The following MED13L variants were observed in gnomAD, a reference collection of about 807,000 sequenced individuals.
MED13L encodes mediator complex subunit 13L, also known as mediator of RNA polymerase II transcription subunit 13-like.
Under a neutral mutation model 220.9 loss-of-function variants are expected in MED13L, and 7 were observed. The observed-to-expected ratio is 0.03, with a 90% CI of 0.02 to 0.06. MED13L has a LOEUF of 0.06. Ranked by LOEUF, MED13L falls within the 10% of genes least tolerant of loss-of-function variation. MED13L has a pLI of 1.00. For missense variants in MED13L, 1,965 were observed against 2,760.5 expected (o/e 0.71, Z 6.46); for synonymous variants, 1,011 against 1,015.2 (o/e 1.00, Z 0.08).
intron 2 of MED13L, among the ~76,000 whole-genome samples, chr12:116,187,060 A>G (rs1201994956): frequency 6.6e-6 from 1 of 152,034 alleles, no homozygotes; most frequent in East Asian, 1.9e-4. Context: ...GCACTTTCCT[A>G]CCCACACTTG....
At chr12:116,090,571 T>C (rs1295014070) in intron 4 of MED13L, among the ~76,000 whole-genome samples, 1 of 152,084 alleles carries the variant, frequency 6.6e-6, no homozygotes, top group Admixed American at 6.6e-5. Context: ...ATGTCCAGAC[T>C]TCACCAACTT....
At chr12:116,253,768 T>TG (rs1466155749) in intron 1 of MED13L, among the ~76,000 whole-genome samples, 13 of 140,968 alleles carry the variant, frequency 9.2e-5, no homozygotes, top group African/African-American at 2.4e-4. Context: ...TTTTTTTTTT[T>TG]TTTTTTTTTT....
intron 2 of MED13L, among the ~76,000 whole-genome samples, chr12:116,228,902 C>G (rs965104992): frequency 3.9e-5 from 6 of 152,122 alleles, no homozygotes; most frequent in Non-Finnish European, 8.8e-5. Context: ...AAACCCTTTA[C>G]CTATATCACT....
chr12:116,177,755 A>G (rs1372068095), intron 2 of MED13L, among the ~76,000 whole-genome samples: 2 of 152,218 alleles, frequency 1.3e-5, no homozygotes, highest in Non-Finnish European at 2.9e-5. Context: ...ACATTAAAAG[A>G]GTTCACTGTC....
chr12:116,230,712 C>A (rs1239646744), intron 2 of MED13L, among the ~76,000 whole-genome samples: 1 of 152,068 alleles, frequency 6.6e-6, no homozygotes, highest in Non-Finnish European at 1.5e-5. Context: ...AAGAGATAAT[C>A]TTATTCCTGT....
At chr12:116,120,937 C>G (rs993699005) in intron 2 of MED13L, among the ~76,000 whole-genome samples, 1 of 152,028 alleles carries the variant, frequency 6.6e-6, no homozygotes, top group Non-Finnish European at 1.5e-5. Flanking sequence ...TGAGTGACAA[C>G]AGTCAATCAA....
intron 1 of MED13L, among the ~76,000 whole-genome samples, chr12:116,243,745 G>C (rs1870852503): frequency 6.6e-6 from 1 of 152,048 alleles, no homozygotes; most frequent in Non-Finnish European, 1.5e-5. Flanking sequence ...GTAGTATCAT[G>C]GAAAGAACAC....
At chr12:116,084,919 T>C (rs950930602) in intron 4 of MED13L, among the ~76,000 whole-genome samples, 13 of 152,280 alleles carry the variant, frequency 8.5e-5, no homozygotes, top group African/African-American at 2.4e-4. Context: ...CCTATATATG[T>C]AGTCATTTTT....
chr12:116,182,692 G>A (rs1414140475), intron 2 of MED13L, among the ~76,000 whole-genome samples: 1 of 152,066 alleles, frequency 6.6e-6, no homozygotes, highest in African/African-American at 2.4e-5. Flanking sequence ...CAAAACAAGT[G>A]AAAAAGTAGA....
rs1490723192 is a variant in MED13L, at chr12:116,277,347, C to CCTCCCCGCCTCTCAGGGCCGCCGCTGCCT, written c.-217_-216insAGGCAGCGGCGGCCCTGAGAGGCGGGGAG. On this transcript the variant is annotated 5_prime_UTR_variant, in exon 1 of 31. Coordinates refer to ENST00000281928, the MANE Select transcript of MED13L (RefSeq NM_015335.5). The stretch of plus-strand genomic sequence containing the variant: ...CCGGGCTGGCGGGGGGGGCGCGCGC[C>CCTCCCCGCCTCTCAGGGCCGCCGCTGCCT]CCGGGCCGGCGCTGCGGGCCGGCCA... 4.0e-4 allele frequency: 1 copy of CCTCCCCGCCTCTCAGGGCCGCCGCTGCCT among 2,524 alleles called. No homozygotes were observed. Among genetic ancestry groups the CCTCCCCGCCTCTCAGGGCCGCCGCTGCCT allele is most frequent in the African/African-American group, 7.7e-3 (1 of 130 alleles). 0.2% of individuals were successfully genotyped at this position (2,524 alleles called of 1,614,324 possible).
chr12:116,247,686 A>G (rs1398527584), intron 1 of MED13L, among the ~76,000 whole-genome samples: 5 of 148,558 alleles, frequency 3.4e-5, no homozygotes, highest in Non-Finnish European at 7.6e-5. Context: ...AAAAGATGCT[A>G]ACGTATATAT....
intron 2 of MED13L, among the ~76,000 whole-genome samples, chr12:116,228,355 C>A (rs1027309866): frequency 9.2e-5 from 14 of 152,150 alleles, no homozygotes; most frequent in Admixed American, 6.5e-4. Context: ...CTTACTGTGT[C>A]ACTCAGGCTG....
chr12:115,973,673 C>T (rs894310653), intron 25 of MED13L, among the ~76,000 whole-genome samples: 3 of 151,994 alleles, frequency 2.0e-5, no homozygotes, highest in African/African-American at 7.2e-5. Flanking sequence ...ATAAGATTGA[C>T]TAAAAAAGCA....
intron 4 of MED13L, among the ~76,000 whole-genome samples, chr12:116,035,792 C>T (rs1036436708): frequency 3.6e-4 from 55 of 151,882 alleles, no homozygotes; most frequent in African/African-American, 1.2e-3. Flanking sequence ...GGTTTTGCTA[C>T]GTTGCCCAGG....
chr12:116,019,726 T>C, intron 6 of MED13L, 52 bp downstream of exon 6: 2 of 1,544,184 alleles, frequency 1.3e-6, no homozygotes, highest in Non-Finnish European at 1.8e-6. Flanking sequence ...TCTTTTTAAA[T>C]TAAGGAAGAG....
intron 30 of MED13L, chr12:115,962,549 A>G (rs949931622): frequency 6.6e-5 from 10 of 152,206 alleles, no homozygotes; most frequent in African/African-American, 2.4e-4. Context: ...ATTTTTATCC[A>G]TAACTATAAT....
chr12:116,023,793 T>C (rs1399282116), intron 4 of MED13L, among the ~76,000 whole-genome samples: 2 of 152,108 alleles, frequency 1.3e-5, no homozygotes, highest in African/African-American at 4.8e-5. Context: ...TTTAAAAGAA[T>C]TTTGAAAAAA....
rs1315120974 is a variant in MED13L at position 116,009,217 on chromosome 12, A to G, written c.1281-85T>C. On this transcript the variant is annotated intron_variant, in intron 9 of 30. Transcript: ENST00000281928. ...AATTTTGCCTTTTAAAGCATACATT[A>G]GATGTACTAATACATATAAAAGGGC... The G allele has an allele frequency of 3.7e-6, 5 of 1,356,516 alleles. No homozygotes were observed. The East Asian group carries it at 9.6e-5, about 26-fold the overall frequency. 84.0% of individuals were successfully genotyped at this position (1,356,516 alleles called of 1,614,324 possible).
Position 115,966,181 on chromosome 12 carries a change from G to A in MED13L, c.6288C>T (p.Ala2096=). Residue 2096 remains alanine, a synonymous_variant, in exon 29 of 31, where the codon GCC becomes GCT. Transcript: ENST00000281928. ...APEELKQQPL[A]LGYFVSTAKA... is the part of the protein sequence containing the mutation. Reference sequence around the variant, plus strand: ...TGGCAGTTGATACAAAATACCCAAGGGCCAGGGGCTGCTGCTTTAGCTCCT... The same window carrying A: ...TGGCAGTTGATACAAAATACCCAAGAGCCAGGGGCTGCTGCTTTAGCTCCT... 6.2e-7 allele frequency: 1 copy of A among 1,614,052 alleles called. No individual in the cohort carries two copies. The highest frequency in any genetic ancestry group is 8.5e-7 in the Non-Finnish European group (1 of 1,179,990).
Sources: allele counts gnomAD v4.1 joint callset (sites outside exome capture counted in the v4.1 genomes callset), GRCh38; gene constraint gnomAD v4.1.1; transcripts MANE v1.5; gene names NCBI Gene and HGNC (gene_info 2026-07-23, HGNC 2026-07-21).